The following LRRC9 variants were observed in gnomAD, a reference collection of about 807,000 sequenced individuals.
The protein encoded by LRRC9 is leucine rich repeat containing 9.
In LRRC9, 122 loss-of-function variants were observed where a neutral mutation model predicts 63.2. The ratio of observed to expected loss-of-function variants is 1.93; its 90% CI spans 1.67 to 2.24. LRRC9 has a LOEUF of 2.24. Among genes scored for constraint, LRRC9 ranks in the 30% most tolerant of loss-of-function variants. The pLI is 0.00. For synonymous variants in LRRC9, 366 were observed against 213.1 expected, an observed-to-expected ratio of 1.72 and a Z score of -6.25; for missense variants, 1,071 against 627.7, an observed-to-expected ratio of 1.71 and a Z score of -7.55.
rs756922700 is a variant in LRRC9, at chr14:59,990,224, G to A, written c.2211+5000G>A. On this transcript the variant is annotated intron_variant, in intron 17 of 31. Transcript: ENST00000445360. This position sits in a 1 kb window ranked among gnomAD's most constrained non-coding sequence, Gnocchi z 4.2. Reference sequence around the variant, plus strand: ...TTACAGGCATGAGCCGCTGTGCCCAGCCTAGATCTTCTTTTTTATTCACCT... The same window carrying A: ...TTACAGGCATGAGCCGCTGTGCCCAACCTAGATCTTCTTTTTTATTCACCT... Among the ~76,000 whole-genome samples, 7 of 151,968 alleles carry A rather than the reference G, an allele frequency of 4.6e-5. No individual in the cohort carries two copies. The highest frequency in any genetic ancestry group is 1.0e-4 in the Non-Finnish European group (7 of 67,990).
chr14:59,944,050 T>C (rs74484733), intron 7 of LRRC9, among the ~76,000 whole-genome samples: 3,764 of 152,060 alleles, frequency 0.025, 154 homozygotes, highest in African/African-American at 0.085. Flanking sequence ...AACTGAATGA[T>C]GCATTGTTAT....
At chr14:60,034,993 A>T (rs1892307891) in intron 29 of LRRC9, among the ~76,000 whole-genome samples, 1 of 151,944 alleles carries the variant, frequency 6.6e-6, no homozygotes, top group African/African-American at 2.4e-5. Context: ...CCACATCCTT[A>T]CCAGCATCTG....
chr14:60,012,112 A>C (rs1178178841), intron 23 of LRRC9, among the ~76,000 whole-genome samples: 1 of 152,204 alleles, frequency 6.6e-6, no homozygotes, highest in East Asian at 1.9e-4. Flanking sequence ...AGTCATGAAA[A>C]GTGGGTGCAG....
chr14:59,985,048 G>T, intron 16 of LRRC9, 57 bp from the exon 17 acceptor site: 1 of 522,380 alleles, frequency 1.9e-6, no homozygotes, highest in Non-Finnish European at 3.5e-6. Flanking sequence ...CCACACTTCA[G>T]TTTGATGTAG....
At chr14:60,019,417 C>T (rs1890943512) in intron 26 of LRRC9, among the ~76,000 whole-genome samples, 157 bp downstream of exon 26, 1 of 151,784 alleles carries the variant, frequency 6.6e-6, no homozygotes, top group Non-Finnish European at 1.5e-5. Context: ...AAATAAACTT[C>T]ATAATAAAAA....
At chr14:59,970,081 C>T (rs1566827649) in intron 12 of LRRC9, among the ~76,000 whole-genome samples, 1 of 152,022 alleles carries the variant, frequency 6.6e-6, no homozygotes, top group Non-Finnish European at 1.5e-5. Flanking sequence ...GCCTAGTACC[C>T]ATTAGTTATT....
intron 30 of LRRC9, among the ~76,000 whole-genome samples, chr14:60,055,241 T>G (rs1026283660): frequency 6.6e-5 from 10 of 152,330 alleles, no homozygotes; most frequent in East Asian, 1.9e-4. Context: ...TATCTACAAA[T>G]TTTTTTCTAA....
chr14:59,944,684 A>ATTT, exon 8 of LRRC9: 3 of 665,858 alleles, frequency 4.5e-6, no homozygotes, highest in Middle Eastern at 2.3e-4. Context: ...ATGATCAAAA[A>ATTT]TGCAAATTAC....
At chr14:60,066,648 C>T (rs456134), downstream of LRRC9, among the ~76,000 whole-genome samples, 147,232 of 152,272 alleles carry the variant, frequency 0.97, 71,356 homozygotes, top group East Asian at 1. Flanking sequence ...CTACGCTGAA[C>T]TGCAATTTAA....
chr14:59,976,192 A>G (rs1389281759), intron 13 of LRRC9, among the ~76,000 whole-genome samples: 1 of 152,240 alleles, frequency 6.6e-6, no homozygotes, highest in African/African-American at 2.4e-5. Context: ...CTGATTCTAC[A>G]TTATGGTGAG....
intron 7 of LRRC9, among the ~76,000 whole-genome samples, chr14:59,943,686 C>T (rs1882034876): frequency 6.6e-6 from 1 of 152,078 alleles, no homozygotes; most frequent in Non-Finnish European, 1.5e-5. Flanking sequence ...TCATAATATG[C>T]ATGGGGAAAG....
Position 60,003,618 on chromosome 14 carries a change from C to A in LRRC9, c.2665-3C>A. 1.5e-6 allele frequency: 1 copy of A among 659,686 alleles called. No individual in the cohort carries two copies. 40.9% of individuals were successfully genotyped at this position (659,686 alleles called of 1,614,324 possible). ...ATAACATACAATGTAAATTATTCTA[C>A]AGATAACTGCCTTAAATTTAGATGG... On this transcript the variant is annotated splice_polypyrimidine_tract_variant and splice_region_variant and intron_variant, in intron 20 of 31. Transcript: ENST00000445360. This position sits in a 1 kb window ranked among gnomAD's most constrained non-coding sequence, Gnocchi z 4.2.
At position 60,053,515 on chromosome 14, in the gene LRRC9, C is replaced by T. The variant is rs896449282; in HGVS notation, c.4131+310C>T. Among the ~76,000 whole-genome samples the T allele has an allele frequency of 6.6e-6, 1 of 152,066 alleles. No individual in the cohort carries two copies. Among genetic ancestry groups the T allele is most frequent in the African/African-American group, 2.4e-5 (1 of 41,384 alleles). The stretch of plus-strand genomic sequence containing the variant: ...TTTAATATTTGTATGCTCAATATGT[C>T]AGATGATGCTAGAACATAGGAAACT... On this transcript the variant is annotated intron_variant, in intron 30 of 31. Coordinates refer to ENST00000445360, the Ensembl canonical transcript of LRRC9. This position sits in a 1 kb window ranked among gnomAD's most constrained non-coding sequence, Gnocchi z 4.8.
At chr14:59,976,372 A>G (rs1174923692) in intron 13 of LRRC9, among the ~76,000 whole-genome samples, 1 of 152,250 alleles carries the variant, frequency 6.6e-6, no homozygotes, top group Non-Finnish European at 1.5e-5. Flanking sequence ...AGACCACTGT[A>G]CTAAAGATTG....
At position 60,063,349 on chromosome 14, in the gene LRRC9, C is replaced by T. The variant is rs1372905281; in HGVS notation, c.4303C>T (p.Gln1435Ter). Reference sequence around the variant, plus strand: ...ATTTTTGGGAGCAACTTTCCAAGATCAAATCGAATGTAACTGCCTAAAGAG... The same window carrying T: ...ATTTTTGGGAGCAACTTTCCAAGATTAAATCGAATGTAACTGCCTAAAGAG... The change falls in exon 32 of 32, where the codon CAA becomes TAA. Residue 1435 changes from glutamine to a stop codon, truncating the protein, a stop_gained. Coordinates refer to ENST00000445360, the Ensembl canonical transcript of LRRC9. LOFTEE classifies it high-confidence loss of function. The T allele has an allele frequency of 1.4e-6, 1 of 700,210 alleles. No homozygotes were observed. Among genetic ancestry groups the T allele is most frequent in the Non-Finnish European group, 2.6e-6 (1 of 384,176 alleles). The allele number at this position is 700,210 out of a possible 1,614,324, so 43.4% of individuals were successfully genotyped here. A position where few individuals can be genotyped will look rare whatever the true frequency, so the allele number is the denominator to read the frequency against.
At chr14:59,953,580 C>A (rs2139924161) in intron 8 of LRRC9, among the ~76,000 whole-genome samples, 1 of 152,186 alleles carries the variant, frequency 6.6e-6, no homozygotes, top group African/African-American at 2.4e-5. Flanking sequence ...AGATGGGTAT[C>A]TTGCAAAAAT....
intron 29 of LRRC9, among the ~76,000 whole-genome samples, chr14:60,040,040 GCAGGTTGTT>G (rs1892808756): frequency 6.6e-6 from 1 of 151,988 alleles, no homozygotes; most frequent in South Asian, 2.1e-4. Context: ...TCATTCAGGA[GCAGGTTGTT>G]CAGTTTCCAT....
exon 23 of LRRC9, chr14:60,008,115 A>T (rs1390617268): frequency 2.9e-6 from 2 of 700,536 alleles, no homozygotes; most frequent in Admixed American, 4.0e-5. Flanking sequence ...TGGTCATTCT[A>T]GACATGTGTG....
chr14:60,023,458 G>C (rs1891273325), intron 27 of LRRC9, among the ~76,000 whole-genome samples: 1 of 151,990 alleles, frequency 6.6e-6, no homozygotes, highest in Non-Finnish European at 1.5e-5. Context: ...GAGGAAAAGA[G>C]TCACAGGACA....
Sources: gnomAD v4.1 joint callset for allele counts (sites outside exome capture counted in the v4.1 genomes callset) on GRCh38, gnomAD v4.1.1 for gene constraint, Gnocchi (gnomAD v3.1) non-coding constraint, MANE v1.5 for transcripts, NCBI Gene and HGNC (gene_info 2026-07-23, HGNC 2026-07-21) for gene names.